PTGER3: variants seen among roughly 807,000 people sequenced by gnomAD.
PTGER3 encodes prostaglandin E2 receptor EP3 subtype.
PTGER3 carries 22 observed loss-of-function variants against 34.7 expected under a neutral mutation model. The observed-to-expected ratio is 0.63, with a 90% confidence interval of 0.45 to 0.91. The LOEUF is 0.91. Ranked by LOEUF, PTGER3 falls within the 40% of genes least tolerant of loss-of-function variation. The pLI is 0.00. For missense variants in PTGER3, 468 were observed against 519.4 expected (o/e 0.90, Z 0.96); for synonymous variants, 241 against 230.1 (o/e 1.05, Z -0.43).
rs139179498 is a variant in PTGER3 at position 71,009,688 on chromosome 1, CT to C, written c.1077+2616del. ...CTTCTTCCACCATGGTTTTCTTGGC[CT>C]TTAATTGTCTTTTAACCAATACTTC... On this transcript the variant is annotated intron_variant, in intron 2 of 3. Transcript: ENST00000306666. 2.3e-3 allele frequency: 2,260 copies of C among 985,110 alleles called. 54 individuals are homozygous for C. In the African/African-American group the frequency reaches 0.037, roughly 16 times the overall value. 61.0% of individuals were successfully genotyped at this position (985,110 alleles called of 1,614,324 possible). A position where few individuals can be genotyped will look rare whatever the true frequency, so the allele number is the denominator to read the frequency against.
intron 2 of PTGER3, among the ~76,000 whole-genome samples, chr1:70,975,352 G>C (rs562091705): frequency 6.9e-6 from 1 of 144,190 alleles, no homozygotes; most frequent in South Asian, 2.2e-4. Context: ...TGTCACAGCA[G>C]AAAAACGATT....
intron 2 of PTGER3, 165 bp downstream of exon 2, chr1:71,012,140 G>A: frequency 1.3e-6 from 2 of 1,526,798 alleles, no homozygotes; most frequent in South Asian, 2.6e-5. Flanking sequence ...GCATGCCAGA[G>A]ATGCCTAAAT....
chr1:70,920,002 C>T (rs1452965578), intron 4 of PTGER3, among the ~76,000 whole-genome samples: 1 of 152,094 alleles, frequency 6.6e-6, no homozygotes, highest in Admixed American at 6.6e-5. Context: ...TTTACTGGGG[C>T]AAGCCTGGCT....
chr1:71,026,935 A>T (rs956065159), intron 1 of PTGER3, among the ~76,000 whole-genome samples: 1 of 152,142 alleles, frequency 6.6e-6, no homozygotes, highest in Non-Finnish European at 1.5e-5. Context: ...TCAAATGCCT[A>T]ACTCCTATGA....
chr1:70,869,396 T>C, intron 4 of PTGER3: 1 of 406,326 alleles, frequency 2.5e-6, no homozygotes, highest in Non-Finnish European at 5.0e-6. Context: ...ACCCCTCTTC[T>C]CCACCCCTAA....
intron 4 of PTGER3, among the ~76,000 whole-genome samples, chr1:70,860,340 G>A (rs1645901681): frequency 6.6e-6 from 1 of 152,062 alleles, no homozygotes; most frequent in African/African-American, 2.4e-5. Flanking sequence ...AGAAAAAAAT[G>A]TGATTCCCCA....
intron 4 of PTGER3, among the ~76,000 whole-genome samples, chr1:70,864,110 C>T (rs933743138): frequency 6.6e-6 from 1 of 152,172 alleles, no homozygotes; most frequent in African/African-American, 2.4e-5. Flanking sequence ...TACCTCAGAG[C>T]TTTACACATG....
intron 4 of PTGER3, among the ~76,000 whole-genome samples, chr1:70,927,492 G>A (rs1455305146): frequency 6.6e-6 from 1 of 152,136 alleles, no homozygotes; most frequent in Non-Finnish European, 1.5e-5. Flanking sequence ...AGAGAGGATA[G>A]CATTATATAT....
chr1:70,972,827 A>T (rs1653233823), intron 3 of PTGER3, among the ~76,000 whole-genome samples: 1 of 152,130 alleles, frequency 6.6e-6, no homozygotes, highest in Non-Finnish European at 1.5e-5. Context: ...CTGCAGGAAA[A>T]AAAGAATAGA....
At chr1:70,895,234 A>G (rs950208624) in intron 4 of PTGER3, among the ~76,000 whole-genome samples, 2 of 152,194 alleles carry the variant, frequency 1.3e-5, no homozygotes, top group Non-Finnish European at 2.9e-5. Context: ...ATATTTGACA[A>G]GTGATAGTCC....
intron 2 of PTGER3, among the ~76,000 whole-genome samples, chr1:70,994,532 G>A (rs978481707): frequency 1.3e-5 from 2 of 151,214 alleles, no homozygotes; most frequent in African/African-American, 2.4e-5. Context: ...ATCTTGGCCC[G>A]CTGCAACCTC....
chr1:70,971,587 T>A lies in PTGER3; in HGVS notation c.*143A>T. ...TAAAGTTGATCTCCATGGGTATTAC[T>A]GACAAAACAATCATTAAAATAAAAA... On this transcript the variant is annotated 3_prime_UTR_variant, in exon 4 of 4. Coordinates refer to ENST00000306666, the MANE Select transcript of PTGER3 (RefSeq NM_198719.2). 7.5e-7 allele frequency: 1 copy of A among 1,333,200 alleles called. No individual in the cohort carries two copies. The highest frequency in any genetic ancestry group is 9.7e-7 in the Non-Finnish European group (1 of 1,036,204). The allele number at this position is 1,333,200 out of a possible 1,614,324, so 82.6% of individuals were successfully genotyped here. A position where few individuals can be genotyped will look rare whatever the true frequency, so the allele number is the denominator to read the frequency against.
chr1:71,010,672 A>G (rs540120799), intron 2 of PTGER3: 1 of 984,200 alleles, frequency 1.0e-6, no homozygotes, highest in Non-Finnish European at 1.2e-6. Flanking sequence ...ATCCAATTCT[A>G]TGGCATAGAG....
At chr1:70,994,662 T>C (rs1426344366) in intron 2 of PTGER3, among the ~76,000 whole-genome samples, 2 of 152,092 alleles carry the variant, frequency 1.3e-5, no homozygotes, top group Admixed American at 1.3e-4. Flanking sequence ...TTCCCCATGT[T>C]GGCCAACATA....
chr1:70,949,269 C>T (rs1650513769), downstream of PTGER3, among the ~76,000 whole-genome samples: 1 of 152,114 alleles, frequency 6.6e-6, no homozygotes, highest in Admixed American at 6.6e-5. Context: ...TTTCACATTG[C>T]CTGTGCCCTA....
intron 1 of PTGER3, among the ~76,000 whole-genome samples, chr1:71,021,970 GAA>G (rs1002117242): frequency 2.0e-5 from 3 of 151,820 alleles, no homozygotes; most frequent in Non-Finnish European, 4.4e-5. Context: ...TTCAGAATGT[GAA>G]AAGTGAAAAT....
Position 71,045,513 on chromosome 1 carries a change from G to A in PTGER3, c.897+1168C>T, listed in dbSNP as rs1481282085. Among the ~76,000 whole-genome samples the A allele has an allele frequency of 2.0e-5, 3 of 152,262 alleles. No individual in the cohort carries two copies. The East Asian group carries it at 5.8e-4, about 29-fold the overall frequency. ...CCCAGACACCCCAGGGCCTAAGTAA[G>A]CATCCATTCTTCAGGAATTAGTAAA... On this transcript the variant is annotated intron_variant, in intron 1 of 3. Coordinates refer to ENST00000306666, the MANE Select transcript of PTGER3 (RefSeq NM_198719.2).
intron 4 of PTGER3, among the ~76,000 whole-genome samples, chr1:70,946,628 G>C (rs964000805): frequency 3.9e-5 from 6 of 152,158 alleles, no homozygotes; most frequent in Non-Finnish European, 5.9e-5. Context: ...TTGCTGTAAA[G>C]CTGGTGTATC....
chr1:70,862,528 A>T (rs934097763), intron 4 of PTGER3: 1 of 445,398 alleles, frequency 2.2e-6, no homozygotes, highest in Non-Finnish European at 4.2e-6. Context: ...GACAGGGGAG[A>T]GTCTCATGGC....
Sources: gnomAD v4.1 joint callset for allele counts (sites outside exome capture counted in the v4.1 genomes callset) on GRCh38, gnomAD v4.1.1 for gene constraint, MANE v1.5 for transcripts, NCBI Gene and HGNC (gene_info 2026-07-23, HGNC 2026-07-21) for gene names.